PRICKLE2: variants seen among roughly 807,000 people sequenced by gnomAD.
PRICKLE2 encodes prickle-like protein 2.
Under a neutral mutation model 81.4 loss-of-function variants are expected in PRICKLE2, and 21 were observed. The observed-to-expected ratio is 0.26, with a 90% CI of 0.18 to 0.37. PRICKLE2 has a LOEUF of 0.37. Ranked by LOEUF, PRICKLE2 falls within the 10% of genes least tolerant of loss-of-function variation. The probability of loss-of-function intolerance (pLI) is 1.00; values close to 1 mark genes in which losing one functional copy is unlikely to be tolerated. For synonymous variants in PRICKLE2, 456 were observed against 421.5 expected, an observed-to-expected ratio of 1.08 and a Z score of -1.00; for missense variants, 940 against 1,109.0, an observed-to-expected ratio of 0.85 and a Z score of 2.16.
At chr3:64,216,341 A>C (rs2078871525) in intron 1 of PRICKLE2, among the ~76,000 whole-genome samples, 1 of 152,140 alleles carries the variant, frequency 6.6e-6, no homozygotes, top group Non-Finnish European at 1.5e-5. Context: ...AATTTCAGAA[A>C]GTTCATCAAT....
chr3:64,172,802 TG>T (rs1235322276), intron 2 of PRICKLE2, among the ~76,000 whole-genome samples: 1 of 152,158 alleles, frequency 6.6e-6, no homozygotes. Flanking sequence ...GTCATAAGGC[TG>T]GGGCCCTATT....
intron 2 of PRICKLE2, among the ~76,000 whole-genome samples, chr3:64,255,400 G>T (rs1429423104): frequency 6.6e-6 from 1 of 152,150 alleles, no homozygotes; most frequent in Non-Finnish European, 1.5e-5. Flanking sequence ...CCACTAAAGG[G>T]GAATGTTGCC....
rs966992510 is a variant in PRICKLE2 at position 64,147,871 on chromosome 3, G to A, written c.788-169C>T. ...GTAAATGGTATTCACGTCCTATTAC[G>A]AGAAGTCCTTGTTGTACCAGTATGC... On this transcript the variant is annotated intron_variant, in intron 6 of 7. Coordinates refer to ENST00000638394, the MANE Select transcript of PRICKLE2 (RefSeq NM_198859.4). This position sits in a 1 kb window ranked among gnomAD's most constrained non-coding sequence, Gnocchi z 5.0. Among the ~76,000 whole-genome samples the A allele has an allele frequency of 6.6e-6, 1 of 152,148 alleles. No individual in the cohort carries two copies. The highest frequency in any genetic ancestry group is 2.1e-4 in the South Asian group (1 of 4,816).
At chr3:64,119,613 TGTAA>T (rs2076994555) in intron 7 of PRICKLE2, among the ~76,000 whole-genome samples, 2 of 152,162 alleles carry the variant, frequency 1.3e-5, no homozygotes, top group South Asian at 2.1e-4. Flanking sequence ...TTGGTGCAAA[TGTAA>T]GTGAGTTCAG....
Position 64,146,916 on chromosome 3 carries a change from C to G in PRICKLE2, c.1574G>C (p.Ser525Thr). 1 of 1,614,148 alleles carries G rather than the reference C, an allele frequency of 6.2e-7. No individual in the cohort carries two copies. The highest frequency in any genetic ancestry group is 1.1e-5 in the South Asian group (1 of 91,074). The part of the protein sequence containing the change: ...TQQCRTRHPI[S>T]SLKYTEDMTP... ...CATGTCCTCTGTGTATTTCAGGGAA[C>G]TGATGGGATGACGGGTCCGACACTG... Residue 525 changes from serine (S) to threonine (T), a missense_variant, in exon 7 of 8, where the codon AGT becomes ACT. This residue lies in a region of PRICKLE2 where 670 missense variants were observed against 717.2 expected (regional missense o/e 0.93). Transcript: ENST00000638394.
At chr3:64,166,577 C>T (rs2077836529) in intron 2 of PRICKLE2, among the ~76,000 whole-genome samples, 1 of 152,206 alleles carries the variant, frequency 6.6e-6, no homozygotes, top group Admixed American at 6.5e-5. Flanking sequence ...TTCAAGCCTA[C>T]TGATAACCAC....
chr3:64,114,669 G>A (rs1202670989), intron 7 of PRICKLE2, among the ~76,000 whole-genome samples: 4 of 148,908 alleles, frequency 2.7e-5, no homozygotes, highest in Non-Finnish European at 3.0e-5. Context: ...GACAAGAATA[G>A]AAAAAAAAAA....
chr3:64,244,313 A>G (rs1353048427), intron 2 of PRICKLE2, among the ~76,000 whole-genome samples: 3 of 152,190 alleles, frequency 2.0e-5, no homozygotes, highest in Non-Finnish European at 4.4e-5. Context: ...CCATCTTAAC[A>G]TGCTCCAATT....
At chr3:64,154,161 A>T (rs1244935673) in intron 5 of PRICKLE2, 6 of 152,226 alleles carry the variant, frequency 3.9e-5, no homozygotes, top group Admixed American at 3.3e-4. Flanking sequence ...GGAAAAGAAT[A>T]GTTTTCTCAA....
chr3:64,128,022 T>A (rs753442771), intron 7 of PRICKLE2, among the ~76,000 whole-genome samples: 1 of 152,092 alleles, frequency 6.6e-6, no homozygotes, highest in Non-Finnish European at 1.5e-5. Context: ...ATATTTTATA[T>A]GATCAAAAAA....
At chr3:64,244,793 T>A (rs1169634076) in intron 2 of PRICKLE2, among the ~76,000 whole-genome samples, 1 of 152,146 alleles carries the variant, frequency 6.6e-6, no homozygotes, top group Admixed American at 6.5e-5. Flanking sequence ...TTGGGTCAAG[T>A]GGCTCATGGC....
intron 7 of PRICKLE2, among the ~76,000 whole-genome samples, chr3:64,107,364 A>G (rs62249886): frequency 7.2e-5 from 11 of 152,208 alleles, no homozygotes; most frequent in Non-Finnish European, 1.5e-4. Flanking sequence ...GAACGGAAAG[A>G]AAATATTTGC....
At chr3:64,134,987 A>T (rs571665754) in intron 7 of PRICKLE2, among the ~76,000 whole-genome samples, 1 of 152,186 alleles carries the variant, frequency 6.6e-6, no homozygotes, top group Non-Finnish European at 1.5e-5. Context: ...AAACCCTAGC[A>T]AGGTATGAGC....
At chr3:64,120,716 C>T (rs571172921) in intron 7 of PRICKLE2, among the ~76,000 whole-genome samples, 2 of 152,136 alleles carry the variant, frequency 1.3e-5, no homozygotes, top group Non-Finnish European at 2.9e-5. Flanking sequence ...AAGCCTAGCT[C>T]CCCTTGTTTC....
At chr3:64,137,556 C>T (rs1380135227) in intron 7 of PRICKLE2, among the ~76,000 whole-genome samples, 1 of 152,132 alleles carries the variant, frequency 6.6e-6, no homozygotes, top group East Asian at 1.9e-4. Flanking sequence ...AAAACCAGGA[C>T]ACTGGAAAAG....
intron 2 of PRICKLE2, among the ~76,000 whole-genome samples, chr3:64,235,171 A>C (rs1048017176): frequency 6.6e-6 from 1 of 152,116 alleles, no homozygotes; most frequent in Admixed American, 6.5e-5. Context: ...CCCTCTAGTC[A>C]ATTTTTCATT....
intron 2 of PRICKLE2, among the ~76,000 whole-genome samples, chr3:64,167,106 T>C (rs939605871): frequency 2.0e-5 from 3 of 152,188 alleles, no homozygotes; most frequent in Admixed American, 6.5e-5. Context: ...GAGTATACTT[T>C]CTGGCACTAC....
At chr3:64,240,973 A>T (rs533239930) in intron 2 of PRICKLE2, among the ~76,000 whole-genome samples, 1 of 152,078 alleles carries the variant, frequency 6.6e-6, no homozygotes, top group Non-Finnish European at 1.5e-5. Context: ...TGGAGCTGGA[A>T]TTTGGCCCAC....
chr3:64,265,783 G>C (rs997177112), intron 2 of PRICKLE2, among the ~76,000 whole-genome samples: 2 of 152,116 alleles, frequency 1.3e-5, no homozygotes, highest in East Asian at 3.9e-4. Context: ...CTCATTCCTC[G>C]ACACATCTGT....
Sources: gnomAD v4.1 joint callset for allele counts (sites outside exome capture counted in the v4.1 genomes callset) on GRCh38, gnomAD v4.1.1 for gene constraint, gnomAD v4.1.1 regional missense constraint, Gnocchi (gnomAD v3.1) non-coding constraint, MANE v1.5 for transcripts, NCBI Gene and HGNC (gene_info 2026-07-23, HGNC 2026-07-21) for gene names.